Variants in LHFPL2 observed in about 807,000 individuals in gnomAD.
LHFPL2 encodes LHFPL tetraspan subfamily member 2 protein.
A neutral mutation model predicts 17.5 loss-of-function variants in LHFPL2; 7 were observed. The observed-to-expected ratio is 0.40, with a 90% CI of 0.23 to 0.75. LHFPL2 has a LOEUF of 0.75. LHFPL2 is among the 30% of genes least tolerant of loss of function. LHFPL2 has a pLI of 0.37. For missense variants in LHFPL2, 241 were observed against 294.8 expected (o/e 0.82, Z 1.34); for synonymous variants, 134 against 116.2 (o/e 1.15, Z -0.99).
In LHFPL2 at chr5:78,612,535, G is replaced by A. The variant is rs1011131294; in HGVS notation, c.-245+19729C>T. 2.0e-5 allele frequency among the ~76,000 whole-genome samples: 3 copies of A among 152,188 alleles called. No homozygotes were observed. In the South Asian group the frequency reaches 6.2e-4, roughly 32 times the overall value. On this transcript the variant is annotated intron_variant, in intron 2 of 4. Coordinates refer to ENST00000380345, the MANE Select transcript of LHFPL2 (RefSeq NM_005779.3). ...AAAGTTCATTGGGCATGAAAACTTG[G>A]CTCAGTTATTCAACAGCTTGATCCA...
chr5:78,496,418 C>T (rs1754608196), intron 4 of LHFPL2, among the ~76,000 whole-genome samples: 1 of 152,222 alleles, frequency 6.6e-6, no homozygotes, highest in Non-Finnish European at 1.5e-5. Context: ...CTTTTAGGAA[C>T]ATAGCAGCCC....
At chr5:78,562,372 G>A (rs1756751140) in intron 3 of LHFPL2, among the ~76,000 whole-genome samples, 1 of 152,120 alleles carries the variant, frequency 6.6e-6, no homozygotes, top group South Asian at 2.1e-4. Context: ...GACTGCAACT[G>A]TGCTCTTTGC....
At chr5:78,605,737 C>A (rs947773712) in intron 2 of LHFPL2, among the ~76,000 whole-genome samples, 1 of 152,154 alleles carries the variant, frequency 6.6e-6, no homozygotes, top group Admixed American at 6.5e-5. Flanking sequence ...CAACAACCTG[C>A]AGATTATTTT....
At chr5:78,618,740 GTTT>G (rs1381656914) in intron 2 of LHFPL2, among the ~76,000 whole-genome samples, 1 of 152,140 alleles carries the variant, frequency 6.6e-6, no homozygotes, top group Non-Finnish European at 1.5e-5. Context: ...GAGGGACCCT[GTTT>G]TAAAATCCAA....
chr5:78,636,765 T>C (rs1288686071), intron 1 of LHFPL2, among the ~76,000 whole-genome samples: 1 of 152,204 alleles, frequency 6.6e-6, no homozygotes, highest in Non-Finnish European at 1.5e-5. Context: ...TAATAATCAG[T>C]GTCTGTAAAA....
Position 78,486,496 on chromosome 5 carries a change from A to C in LHFPL2, c.*2401T>G, listed in dbSNP as rs149582169. 34 of 152,326 alleles carry C rather than the reference A, an allele frequency of 2.2e-4. No homozygotes were observed. Among genetic ancestry groups the C allele is most frequent in the African/African-American group, 7.9e-4 (33 of 41,570 alleles). 9.4% of individuals were successfully genotyped at this position (152,326 alleles called of 1,614,324 possible). A position where few individuals can be genotyped will look rare whatever the true frequency, so the allele number is the denominator to read the frequency against. ...AGCTGTGTGGAAGAGCATGGTTTAGACTAGCATGATTTTAGATGGTCCTTT... is the reference window on the plus strand; with the variant it reads ...AGCTGTGTGGAAGAGCATGGTTTAGCCTAGCATGATTTTAGATGGTCCTTT... On this transcript the variant is annotated 3_prime_UTR_variant, in exon 5 of 5. Coordinates refer to ENST00000380345, the MANE Select transcript of LHFPL2 (RefSeq NM_005779.3).
chr5:78,550,562 A>G (rs374300670), intron 3 of LHFPL2, among the ~76,000 whole-genome samples: 1 of 126,336 alleles, frequency 7.9e-6, no homozygotes. Flanking sequence ...TGTTTTATTT[A>G]TTTTTATTTA....
chr5:78,628,095 C>A lies in LHFPL2; in HGVS notation c.-245+4169G>T, dbSNP rs542761091. The stretch of plus-strand genomic sequence containing the variant: ...GGGTTACTGTGCCTCCCGGCCCCTC[C>A]CTTGGCACACTGGATATCGAGCTCT... On this transcript the variant is annotated intron_variant, in intron 2 of 4. Transcript: ENST00000380345. Among the ~76,000 whole-genome samples, 26 of 152,270 alleles carry A rather than the reference C, an allele frequency of 1.7e-4. No homozygotes were observed. In the South Asian group the frequency reaches 5.2e-3, roughly 30 times the overall value.
At chr5:78,525,698 C>A (rs1486508732) in intron 3 of LHFPL2, among the ~76,000 whole-genome samples, 1 of 152,132 alleles carries the variant, frequency 6.6e-6, no homozygotes, top group Non-Finnish European at 1.5e-5. Context: ...GGAGAAATAT[C>A]CTGACACAAA....
intron 2 of LHFPL2, among the ~76,000 whole-genome samples, chr5:78,612,292 C>T (rs1744447833): frequency 1.3e-5 from 2 of 152,068 alleles, no homozygotes; most frequent in South Asian, 4.1e-4. Context: ...GCATAAATTT[C>T]CCTTTAAAAA....
intron 2 of LHFPL2, among the ~76,000 whole-genome samples, chr5:78,584,741 G>C (rs769312010): frequency 7.2e-5 from 11 of 152,112 alleles, no homozygotes; most frequent in African/African-American, 2.7e-4. Context: ...CTTTTTGTTT[G>C]TCTGTGCCCT....
chr5:78,604,461 G>A lies in LHFPL2; in HGVS notation c.-245+27803C>T, dbSNP rs145761829. Among the ~76,000 whole-genome samples, 1,501 of 152,208 alleles carry A rather than the reference G, an allele frequency of 9.9e-3. 22 individuals are homozygous for A. Among genetic ancestry groups the A allele is most frequent in the Non-Finnish European group, 0.012 (802 of 68,014 alleles). On this transcript the variant is annotated intron_variant, in intron 2 of 4. Transcript: ENST00000380345. ...CACTGCACTCCTGTGCTCCAGCCTG[G>A]GTGACAGAGCAAGATCCCGTCTCAA...
At chr5:78,579,031 C>T (rs10076149) in intron 2 of LHFPL2, among the ~76,000 whole-genome samples, 6 of 152,064 alleles carry the variant, frequency 3.9e-5, no homozygotes, top group African/African-American at 4.8e-5. Context: ...AGGTACATTC[C>T]GTCTAACAGG....
At chr5:78,616,135 GGT>G (rs201359154) in intron 2 of LHFPL2, among the ~76,000 whole-genome samples, 51,531 of 151,282 alleles carry the variant, frequency 0.34, 9,007 homozygotes, top group African/African-American at 0.41. Flanking sequence ...TTGTTTTGGG[GGT>G]TTTTTTTTGA....
At chr5:78,603,722 T>A (rs1392743633) in intron 2 of LHFPL2, among the ~76,000 whole-genome samples, 6 of 151,912 alleles carry the variant, frequency 3.9e-5, no homozygotes, top group Non-Finnish European at 8.8e-5. Flanking sequence ...TACTAAAAAA[T>A]TTTTTTCAGT....
In LHFPL2 at chr5:78,621,147, A is replaced by T. The variant is rs74592329; in HGVS notation, c.-245+11117T>A. Among the ~76,000 whole-genome samples the T allele has an allele frequency of 8.3e-3, 1,264 of 152,196 alleles. 15 individuals carry two copies. Among genetic ancestry groups the T allele is most frequent in the African/African-American group, 0.027 (1,131 of 41,506 alleles). ...TAATTTAGAATCCCCAATCTCATCA[A>T]TCATAATAAAAACAAACAGAAAACA... On this transcript the variant is annotated intron_variant, in intron 2 of 4. Transcript: ENST00000380345.
chr5:78,589,198 C>CA (rs1229836374), intron 2 of LHFPL2, among the ~76,000 whole-genome samples: 3 of 152,158 alleles, frequency 2.0e-5, no homozygotes, highest in Non-Finnish European at 4.4e-5. Context: ...TGGCCAGGCG[C>CA]AGTGGCTCAC....
At chr5:78,635,210 G>A (rs531097869) in intron 1 of LHFPL2, among the ~76,000 whole-genome samples, 1 of 152,342 alleles carries the variant, frequency 6.6e-6, no homozygotes, top group East Asian at 1.9e-4. Flanking sequence ...CCCAAGTTCA[G>A]TTTCTTTTTG....
At chr5:78,638,218 G>A (rs1242442291) in intron 1 of LHFPL2, among the ~76,000 whole-genome samples, 1 of 152,144 alleles carries the variant, frequency 6.6e-6, no homozygotes, top group Admixed American at 6.5e-5. Context: ...AGCCAGGCAT[G>A]GTAGCAGGCG....
Sources: gnomAD v4.1 joint callset for allele counts (sites outside exome capture counted in the v4.1 genomes callset) on GRCh38, gnomAD v4.1.1 for gene constraint, MANE v1.5 for transcripts, NCBI Gene and HGNC (gene_info 2026-07-23, HGNC 2026-07-21) for gene names.